CDH18: variants seen among roughly 807,000 people sequenced by gnomAD.
CDH18 encodes cadherin 18, also known as cadherin-18.
In CDH18, 31 loss-of-function variants were observed where a neutral mutation model predicts 67.9. That is an observed-to-expected ratio of 0.46 (90% CI 0.34 to 0.62). The LOEUF (loss-of-function observed/expected upper bound fraction) is 0.62, where lower values mean the gene tolerates loss of function less well. Ranked by LOEUF, CDH18 falls within the 20% of genes least tolerant of loss-of-function variation. CDH18 has a pLI of 0.01. For missense variants in CDH18, 890 were observed against 975.5 expected, an observed-to-expected ratio of 0.91 and a Z score of 1.17; for synonymous variants, 362 against 347.2, an observed-to-expected ratio of 1.04 and a Z score of -0.48.
intron 2 of CDH18, among the ~76,000 whole-genome samples, chr5:20,091,521 C>A (rs775166297): frequency 1.1e-4 from 16 of 151,912 alleles, no homozygotes; most frequent in Non-Finnish European, 1.6e-4. Flanking sequence ...AATGAAACAA[C>A]AACAACAACA....
intron 2 of CDH18, among the ~76,000 whole-genome samples, chr5:20,089,869 C>A (rs544535670): frequency 1.3e-5 from 2 of 152,104 alleles, no homozygotes; most frequent in African/African-American, 4.8e-5. Context: ...TTATTAATTT[C>A]AACATATTAA....
Position 20,443,209 on chromosome 5 carries a change from CAAAAAAA to C in CDH18, c.-580+132246_-580+132252del, listed in dbSNP as rs72353299. 7.5e-3 allele frequency among the ~76,000 whole-genome samples: 582 copies of C among 77,540 alleles called. 37 individuals are homozygous for C. The highest frequency in any genetic ancestry group is 0.031 in the African/African-American group (568 of 18,082). 50.9% of individuals were successfully genotyped at this position (77,540 alleles called of 152,430 possible). On this transcript the variant is annotated intron_variant, in intron 1 of 14. Coordinates refer to the CDH18 transcript ENST00000507958. ...TGGGTGATAGAGCGAGACTCCGTCA[CAAAAAAA>C]AAAAAAAAAAAAAAAGTATATCTTT...
intron 10 of CDH18, among the ~76,000 whole-genome samples, chr5:19,520,312 G>C (rs1318195523): frequency 6.6e-6 from 1 of 152,120 alleles, no homozygotes; most frequent in Non-Finnish European, 1.5e-5. Flanking sequence ...TAGTCCCTCT[G>C]ACACAATCAA....
chr5:20,111,080 G>A (rs1289004655), intron 2 of CDH18, among the ~76,000 whole-genome samples: 2 of 151,960 alleles, frequency 1.3e-5, no homozygotes, highest in African/African-American at 4.8e-5. Context: ...CATATACTAG[G>A]ATAATAGTTA....
intron 2 of CDH18, among the ~76,000 whole-genome samples, chr5:19,883,447 T>TC (rs1554056816): frequency 1.9e-4 from 29 of 151,554 alleles, no homozygotes; most frequent in Non-Finnish European, 3.8e-4. Flanking sequence ...CATCAACATT[T>TC]TTTTTTTTTT....
intron 2 of CDH18, among the ~76,000 whole-genome samples, chr5:20,241,528 ACT>A (rs1379069678): frequency 1.3e-5 from 2 of 151,850 alleles, no homozygotes; most frequent in African/African-American, 2.4e-5. Context: ...ATTATTTGTA[ACT>A]CTTCAGAGAT....
chr5:20,111,827 G>A, intron 2 of CDH18, among the ~76,000 whole-genome samples: 1 of 152,156 alleles, frequency 6.6e-6, no homozygotes, highest in African/African-American at 2.4e-5. Context: ...ACAGGCGTGA[G>A]CCACCACGCC....
intron 4 of CDH18, among the ~76,000 whole-genome samples, chr5:19,734,276 A>C (rs1417455920): frequency 6.6e-6 from 1 of 152,186 alleles, no homozygotes; most frequent in Admixed American, 6.5e-5. Context: ...CCTCTTAGTA[A>C]GTGTGGCTGG....
chr5:20,136,337 C>A (rs1053373874), intron 2 of CDH18, among the ~76,000 whole-genome samples: 12 of 152,280 alleles, frequency 7.9e-5, no homozygotes, highest in Admixed American at 3.3e-4. Flanking sequence ...ATCCCTTTAC[C>A]ATTATGTAAT....
intron 1 of CDH18, among the ~76,000 whole-genome samples, chr5:20,558,366 G>A (rs966851814): frequency 2.0e-5 from 3 of 152,094 alleles, no homozygotes; most frequent in South Asian, 2.1e-4. Context: ...CCTGGAGTTT[G>A]AGGGGAGGAG....
intron 1 of CDH18, among the ~76,000 whole-genome samples, chr5:20,515,862 A>G (rs1755337691): frequency 6.6e-6 from 1 of 152,060 alleles, no homozygotes; most frequent in African/African-American, 2.4e-5. Flanking sequence ...AACATTTACA[A>G]GTCTATCATC....
intron 10 of CDH18, among the ~76,000 whole-genome samples, chr5:19,506,572 T>C (rs1744201264): frequency 6.6e-6 from 1 of 151,996 alleles, no homozygotes; most frequent in Admixed American, 6.6e-5. Flanking sequence ...TATAGACCAA[T>C]AGAACAGAAC....
At chr5:20,115,306 G>A (rs1395902227) in intron 2 of CDH18, among the ~76,000 whole-genome samples, 4 of 93,852 alleles carry the variant, frequency 4.3e-5, no homozygotes. Flanking sequence ...TTGAGACGGA[G>A]TCTTGCTCTG....
chr5:19,703,364 G>A (rs1352425279), intron 5 of CDH18, among the ~76,000 whole-genome samples: 1 of 152,160 alleles, frequency 6.6e-6, no homozygotes, highest in East Asian at 1.9e-4. Context: ...GTGGGCTCTG[G>A]TTCATTCCAC....
intron 2 of CDH18, among the ~76,000 whole-genome samples, chr5:19,863,508 T>G (rs1475123311): frequency 2.0e-5 from 3 of 152,176 alleles, no homozygotes; most frequent in African/African-American, 7.2e-5. Context: ...AAATTCCCCA[T>G]GGTGCTGACA....
chr5:19,808,455 A>C (rs1364826574), intron 3 of CDH18, among the ~76,000 whole-genome samples: 1 of 152,210 alleles, frequency 6.6e-6, no homozygotes, highest in Non-Finnish European at 1.5e-5. Flanking sequence ...ATAAAATAAT[A>C]GAACATACCT....
intron 1 of CDH18, among the ~76,000 whole-genome samples, chr5:20,409,488 CA>C (rs202025025): frequency 0.035 from 5,234 of 151,590 alleles, 195 homozygotes; most frequent in Admixed American, 0.12. Flanking sequence ...AAAATCATGA[CA>C]TACCAAACCT....
At chr5:20,315,896 T>C (rs1055731020) in intron 1 of CDH18, among the ~76,000 whole-genome samples, 3 of 152,112 alleles carry the variant, frequency 2.0e-5, no homozygotes, top group African/African-American at 7.2e-5. Flanking sequence ...AAGAATGTAA[T>C]TTCCTCAAGT....
intron 2 of CDH18, among the ~76,000 whole-genome samples, chr5:20,172,982 C>T (rs550805279): frequency 1.0e-4 from 11 of 110,166 alleles, no homozygotes; most frequent in African/African-American, 4.8e-4. Flanking sequence ...AAGAGTGAAA[C>T]TCCGTCTCAA....
Sources: gnomAD v4.1 joint callset for allele counts (sites outside exome capture counted in the v4.1 genomes callset) on GRCh38, gnomAD v4.1.1 for gene constraint, MANE v1.5 for transcripts, NCBI Gene and HGNC (gene_info 2026-07-23, HGNC 2026-07-21) for gene names.